RIMS2: variants seen among roughly 807,000 people sequenced by gnomAD.
RIMS2 encodes the protein regulating synaptic membrane exocytosis protein 2.
In RIMS2, 59 loss-of-function variants were observed where a neutral mutation model predicts 174.4. That is an observed-to-expected ratio of 0.34 (90% CI 0.27 to 0.42). The LOEUF (loss-of-function observed/expected upper bound fraction) is 0.42, where lower values mean the gene tolerates loss of function less well. Among genes scored for constraint, RIMS2 ranks in the 10% least tolerant of loss-of-function variants. RIMS2 has a pLI of 1.00. For synonymous variants in RIMS2, 606 were observed against 572.5 expected, an observed-to-expected ratio of 1.06 and a Z score of -0.84; for missense variants, 1,620 against 1,666.3, an observed-to-expected ratio of 0.97 and a Z score of 0.48.
At chr8:103,977,316 AT>A (rs2093532991) in intron 16 of RIMS2, 1 of 152,234 alleles carries the variant, frequency 6.6e-6, no homozygotes, top group South Asian at 2.1e-4. Flanking sequence ...ATTATTAAAC[AT>A]TTTTTAAAAG....
intron 19 of RIMS2, among the ~76,000 whole-genome samples, chr8:104,219,234 C>T (rs928825630): frequency 2.6e-5 from 4 of 152,102 alleles, no homozygotes; most frequent in Non-Finnish European, 5.9e-5. Context: ...GCATTGTCGA[C>T]ATTTATTTTG....
chr8:103,535,655 C>T (rs932350974), intron 1 of RIMS2, among the ~76,000 whole-genome samples: 1 of 152,148 alleles, frequency 6.6e-6, no homozygotes, highest in South Asian at 2.1e-4. Context: ...CAATTTGGTG[C>T]ATTTTGATTA....
chr8:103,718,924 A>G (rs980918121), intron 2 of RIMS2, among the ~76,000 whole-genome samples: 1 of 152,186 alleles, frequency 6.6e-6, no homozygotes, highest in African/African-American at 2.4e-5. Context: ...TGCTGGGATT[A>G]CAGGCATGAG....
At chr8:104,057,224 C>T (rs557586128) in intron 19 of RIMS2, among the ~76,000 whole-genome samples, 13 of 151,860 alleles carry the variant, frequency 8.6e-5, no homozygotes, top group South Asian at 4.2e-4. Context: ...ATGCTACCGC[C>T]CCCAGCTAAA....
rs144248079 is a variant in RIMS2 at position 104,077,231 on chromosome 8, G to C, written c.3334+62616G>C. On this transcript the variant is annotated intron_variant, in intron 19 of 23. Transcript: ENST00000504942. ...TGATATGATAATGATGGTTGTGGTCGTGGTGGTGGTGGTGGTGACGATGAT... is the reference window on the plus strand; with the variant it reads ...TGATATGATAATGATGGTTGTGGTCCTGGTGGTGGTGGTGGTGACGATGAT... 2.1e-4 allele frequency among the ~76,000 whole-genome samples: 32 copies of C among 150,988 alleles called. 1 individual carries two copies. In the East Asian group the frequency reaches 4.7e-3, roughly 22 times the overall value.
At chr8:103,892,974 T>A (rs925975350) in intron 4 of RIMS2, among the ~76,000 whole-genome samples, 3 of 151,914 alleles carry the variant, frequency 2.0e-5, no homozygotes, top group Non-Finnish European at 4.4e-5. Context: ...ATATTATTAT[T>A]ATTAATTGAT....
intron 3 of RIMS2, among the ~76,000 whole-genome samples, chr8:103,855,174 C>T (rs1474134714): frequency 1.3e-5 from 2 of 151,872 alleles, no homozygotes; most frequent in African/African-American, 4.8e-5. Flanking sequence ...CTCCAAAGAT[C>T]TTTTGTATTT....
chr8:104,222,689 ATGTT>A (rs1174604366), intron 19 of RIMS2, among the ~76,000 whole-genome samples: 1 of 152,176 alleles, frequency 6.6e-6, no homozygotes, highest in African/African-American at 2.4e-5. Context: ...TTGCCCTAGT[ATGTT>A]TGTGTTGTTT....
At chr8:104,212,799 A>C (rs1181142193) in intron 19 of RIMS2, among the ~76,000 whole-genome samples, 1 of 152,304 alleles carries the variant, frequency 6.6e-6, no homozygotes, top group South Asian at 2.1e-4. Context: ...GAATGACCTA[A>C]AAAAGTGAAC....
At chr8:103,667,969 G>C (rs888149491) in intron 1 of RIMS2, among the ~76,000 whole-genome samples, 3 of 152,164 alleles carry the variant, frequency 2.0e-5, no homozygotes, top group African/African-American at 7.2e-5. Context: ...AAATCTCTGA[G>C]TTTTAGATCA....
chr8:104,203,306 A>G (rs567427566), intron 19 of RIMS2, among the ~76,000 whole-genome samples: 5 of 152,240 alleles, frequency 3.3e-5, no homozygotes, highest in African/African-American at 1.2e-4. Context: ...AGCTTTTAAA[A>G]TAGTAAATTT....
chr8:104,208,013 C>T (rs2099088509), intron 19 of RIMS2, among the ~76,000 whole-genome samples: 1 of 151,942 alleles, frequency 6.6e-6, no homozygotes, highest in Non-Finnish European at 1.5e-5. Flanking sequence ...AAGCAGTCCT[C>T]CTGCCTCAGC....
intron 16 of RIMS2, among the ~76,000 whole-genome samples, chr8:103,988,177 A>C (rs1302326260): frequency 2.0e-5 from 3 of 152,226 alleles, no homozygotes. Context: ...AACAGCAGCA[A>C]AATAGACATA....
At chr8:103,936,706 G>A in exon 13 of RIMS2, 1 of 1,605,800 alleles carries the variant, frequency 6.2e-7, no homozygotes, top group African/African-American at 1.3e-5. Flanking sequence ...GAGGAAGAAA[G>A]TGAATTCTTA....
chr8:104,034,809 A>G (rs943937515), intron 19 of RIMS2, among the ~76,000 whole-genome samples: 1 of 152,098 alleles, frequency 6.6e-6, no homozygotes, highest in Non-Finnish European at 1.5e-5. Context: ...ATCAGTATAG[A>G]TAAAGATCAC....
At chr8:104,206,543 A>G (rs2099081030) in intron 19 of RIMS2, among the ~76,000 whole-genome samples, 1 of 152,234 alleles carries the variant, frequency 6.6e-6, no homozygotes, top group African/African-American at 2.4e-5. Flanking sequence ...AGTTCTCATT[A>G]TGTACCACGC....
intron 19 of RIMS2, among the ~76,000 whole-genome samples, chr8:104,089,046 T>C (rs930779774): frequency 1.3e-5 from 2 of 151,922 alleles, no homozygotes; most frequent in Non-Finnish European, 2.9e-5. Flanking sequence ...AACATTAAAA[T>C]GTTGTCCGGA....
intron 3 of RIMS2, among the ~76,000 whole-genome samples, chr8:103,830,673 A>G (rs895966514): frequency 3.3e-5 from 5 of 152,002 alleles, no homozygotes; most frequent in African/African-American, 1.2e-4. Context: ...TTTTTATCCT[A>G]TTTTTTCTCT....
At chr8:103,875,009 C>T (rs1565047707) in intron 3 of RIMS2, among the ~76,000 whole-genome samples, 1 of 151,970 alleles carries the variant, frequency 6.6e-6, no homozygotes. Flanking sequence ...TAATGCATCA[C>T]TGGCAGAGGA....
Sources: gnomAD v4.1 joint callset for allele counts (sites outside exome capture counted in the v4.1 genomes callset) on GRCh38, gnomAD v4.1.1 for gene constraint, MANE v1.5 for transcripts, NCBI Gene and HGNC (gene_info 2026-07-23, HGNC 2026-07-21) for gene names.